VRTN: variants seen among roughly 807,000 people sequenced by gnomAD.
VRTN encodes the protein vertnin.
A neutral mutation model predicts 18.2 loss-of-function variants in VRTN; 5 were observed. The ratio of observed to expected loss-of-function variants is 0.27; its 90% confidence interval spans 0.14 to 0.58. The LOEUF is 0.58. Ranked by LOEUF, VRTN falls within the 20% of genes least tolerant of loss-of-function variation. The pLI, the probability that VRTN is intolerant of heterozygous loss-of-function variation, is 0.91. For missense variants in VRTN, 741 were observed against 939.4 expected (o/e 0.79, Z 2.76); for synonymous variants, 381 against 393.7 (o/e 0.97, Z 0.38).
chr14:74,357,523 A>C lies in VRTN; in HGVS notation c.740A>C (p.Glu247Ala), dbSNP rs1195299114. The change falls in exon 2 of 2, where the codon GAG (glutamate) becomes GCG (alanine). Residue 247 changes from glutamate to alanine, a missense_variant. Coordinates refer to ENST00000256362, the MANE Select transcript of VRTN (RefSeq NM_018228.3). This position sits in a 1 kb window ranked among gnomAD's most constrained non-coding sequence, Gnocchi z 7.8. The stretch of plus-strand genomic sequence containing the variant: ...CCTGTGGTGGGGCTGGAAGAGGTGG[A>C]GGCTGAAGGTGCCCCTGGCGTGGCC... ...FAPVVGLEEV[E>A]AEGAPGVAPA... 6.2e-7 allele frequency: 1 copy of C among 1,613,066 alleles called. No individual in the cohort carries two copies. Among genetic ancestry groups the C allele is most frequent in the African/African-American group, 1.3e-5 (1 of 74,882 alleles).
At chr14:74,316,754 A>G (rs2085421336) in intron 1 of VRTN, among the ~76,000 whole-genome samples, 1 of 148,386 alleles carries the variant, frequency 6.7e-6, no homozygotes, top group South Asian at 2.2e-4. Flanking sequence ...CTCCTGCCTC[A>G]GCCTCCCGAG....
intron 1 of VRTN, among the ~76,000 whole-genome samples, chr14:74,327,626 C>T (rs953763585): frequency 2.6e-5 from 4 of 152,172 alleles, no homozygotes; most frequent in Admixed American, 1.3e-4. Flanking sequence ...TTTGCTGCTC[C>T]GCGATTCCTC....
intron 1 of VRTN, among the ~76,000 whole-genome samples, chr14:74,315,290 T>G (rs1204068304): frequency 6.6e-6 from 1 of 152,178 alleles, no homozygotes; most frequent in African/African-American, 2.4e-5. Flanking sequence ...CTTGGCTCAC[T>G]GCAACCTCCA....
intron 1 of VRTN, among the ~76,000 whole-genome samples, chr14:74,323,090 G>A (rs1009852181): frequency 2.0e-5 from 3 of 151,890 alleles, no homozygotes; most frequent in Non-Finnish European, 4.4e-5. Flanking sequence ...CAGAGATCAT[G>A]CCACTGCACT....
chr14:74,314,062 G>A (rs1250798824), intron 1 of VRTN, among the ~76,000 whole-genome samples: 2 of 152,172 alleles, frequency 1.3e-5, no homozygotes, highest in African/African-American at 4.8e-5. Flanking sequence ...TATCATAAGG[G>A]TCATGGCCAC....
At chr14:74,323,294 C>T (rs949556303) in intron 1 of VRTN, among the ~76,000 whole-genome samples, 9 of 151,754 alleles carry the variant, frequency 5.9e-5, no homozygotes, top group Admixed American at 2.0e-4. Context: ...TTAAAAAGTG[C>T]AGGTTCTGGC....
At chr14:74,339,450 C>CA (rs11374357) in intron 2 of VRTN, among the ~76,000 whole-genome samples, 58,384 of 151,260 alleles carry the variant, frequency 0.39, 11,739 homozygotes, top group Middle Eastern at 0.62. Flanking sequence ...TGGGTACAGG[C>CA]AAGAGAGGGT....
chr14:74,338,611 G>A (rs12882237), intron 2 of VRTN, among the ~76,000 whole-genome samples: 42,046 of 152,100 alleles, frequency 0.28, 6,321 homozygotes, highest in Middle Eastern at 0.6. Context: ...CTGGAGTGGA[G>A]TGGCATAATC....
chr14:74,318,173 G>C (rs912826836), intron 1 of VRTN, among the ~76,000 whole-genome samples: 2 of 152,090 alleles, frequency 1.3e-5, no homozygotes, highest in African/African-American at 4.8e-5. Context: ...CCTTAGTCTC[G>C]GCTCACTGCC....
chr14:74,331,220 A>AAACT lies in VRTN; in HGVS notation c.-163-6500_-163-6499insTAAC, dbSNP rs1306050710. ...CCGTCTCAAAAATAAATAAATAAAT[A>AAACT]AACAAACAAACAAACCACAAGTCTG... On this transcript the variant is annotated intron_variant, in intron 1 of 2. Transcript: ENST00000557177. Among the ~76,000 whole-genome samples, 55 of 30,332 alleles carry AAACT rather than the reference A, an allele frequency of 1.8e-3. No homozygotes were observed. The African/African-American group carries it at 0.023, about 13-fold the overall frequency. The allele number at this position is 30,332 out of a possible 152,430, so 19.9% of individuals were successfully genotyped here.
chr14:74,332,344 T>TTTG (rs2085532521), intron 1 of VRTN, among the ~76,000 whole-genome samples: 1 of 24,684 alleles, frequency 4.1e-5, no homozygotes, highest in African/African-American at 3.4e-4. Flanking sequence ...TGTTTTTTTT[T>TTTG]TTTTTTTTTT....
Position 74,332,335 on chromosome 14 carries a change from GTTT to G in VRTN, c.-163-5349_-163-5347del, listed in dbSNP as rs67857502. Among the ~76,000 whole-genome samples, 32 of 39,588 alleles carry G rather than the reference GTTT, an allele frequency of 8.1e-4. 1 individual carries two copies. In the East Asian group the frequency reaches 0.023, roughly 29 times the overall value. 26.0% of individuals were successfully genotyped at this position (39,588 alleles called of 152,430 possible). On this transcript the variant is annotated intron_variant, in intron 1 of 2. Coordinates refer to the VRTN transcript ENST00000557177. The stretch of plus-strand genomic sequence containing the variant: ...CCTCCGGAGGATCGACTCCTAATCT[GTTT>G]TTTTTTTTTTTTTTTTTTTTTTTTT...
At chr14:74,308,746 C>A (rs1733069561) in intron 1 of VRTN, among the ~76,000 whole-genome samples, 1 of 152,156 alleles carries the variant, frequency 6.6e-6, no homozygotes, top group South Asian at 2.1e-4. Flanking sequence ...GAACTCCTAA[C>A]CTCAAGTGAT....
intron 1 of VRTN, among the ~76,000 whole-genome samples, chr14:74,328,292 CTCTG>C (rs1398441183): frequency 6.6e-6 from 1 of 152,166 alleles, no homozygotes; most frequent in East Asian, 1.9e-4. Flanking sequence ...CCAGCCAGCC[CTCTG>C]TCTGGAGAGC....
intron 2 of VRTN, among the ~76,000 whole-genome samples, chr14:74,338,811 GCCT>G (rs1228142794): frequency 2.0e-5 from 3 of 152,056 alleles, no homozygotes; most frequent in Admixed American, 6.6e-5. Context: ...TGCAACCTCC[GCCT>G]CCTGGGTTCA....
chr14:74,307,618 A>T (rs1170222348), intron 1 of VRTN, among the ~76,000 whole-genome samples: 3 of 152,214 alleles, frequency 2.0e-5, no homozygotes, highest in African/African-American at 4.8e-5. Context: ...ATATATATAG[A>T]TGTAAATATC....
rs889653388 is a variant in VRTN at position 74,337,877 on chromosome 14, G to C, written c.-9G>C. 1.3e-4 allele frequency: 20 copies of C among 152,202 alleles called. No individual in the cohort carries two copies. In the East Asian group the frequency reaches 3.9e-3, roughly 29 times the overall value. 9.4% of individuals were successfully genotyped at this position (152,202 alleles called of 1,614,324 possible). ...TGCTTTTCCCTGAAGTGGGAGCCTG[G>C]CTTGCAGGTAAGTGTCCTTCCCCTT... On this transcript the variant is annotated 5_prime_UTR_variant, in exon 2 of 3. Coordinates refer to the VRTN transcript ENST00000557177.
chr14:74,319,839 G>C (rs138431873), intron 1 of VRTN, among the ~76,000 whole-genome samples: 1 of 152,322 alleles, frequency 6.6e-6, no homozygotes, highest in East Asian at 1.9e-4. Flanking sequence ...TGCCTTTTGG[G>C]AGTCCAACAT....
chr14:74,357,971 C>T lies in VRTN; in HGVS notation c.1188C>T (p.Ser396=). The T allele has an allele frequency of 6.2e-7, 1 of 1,614,178 alleles. No individual in the cohort carries two copies. The highest frequency in any genetic ancestry group is 1.1e-5 in the South Asian group (1 of 91,090). ...AGTGCTCCGCACTGGCGGTGTCAAG[C>T]CCTGGAATGGTCTTAATGCAGCGGG... ...ELECSALAVS[S]PGMVLMQRAK... Residue 396 remains serine (S), a synonymous_variant, in exon 2 of 2, where the codon AGC becomes AGT. Transcript: ENST00000256362. The surrounding 1 kb of genome is among the most constrained non-coding windows in gnomAD (Gnocchi z 7.8).
Sources: gnomAD v4.1 joint callset for allele counts (sites outside exome capture counted in the v4.1 genomes callset) on GRCh38, gnomAD v4.1.1 for gene constraint, Gnocchi (gnomAD v3.1) non-coding constraint, MANE v1.5 for transcripts, NCBI Gene and HGNC (gene_info 2026-07-23, HGNC 2026-07-21) for gene names.